The following LUZP2 variants were observed in gnomAD, a reference collection of about 807,000 sequenced individuals.
The protein encoded by LUZP2 is leucine zipper protein 2.
LUZP2 carries 52 observed loss-of-function variants against 51.6 expected under a neutral mutation model. The observed-to-expected ratio is 1.01, with a 90% confidence interval of 0.81 to 1.27. LUZP2 has a LOEUF of 1.27. Ranked by LOEUF, LUZP2 falls within the 50% of genes most tolerant of loss-of-function variation. The pLI, the probability that LUZP2 is intolerant of heterozygous loss-of-function variation, is 0.00. For synonymous variants in LUZP2, 154 were observed against 137.3 expected, an observed-to-expected ratio of 1.12 and a Z score of -0.85; for missense variants, 436 against 395.4, an observed-to-expected ratio of 1.10 and a Z score of -0.87.
intron 5 of LUZP2, among the ~76,000 whole-genome samples, chr11:24,770,074 G>A (rs1414148703): frequency 1.8e-4 from 28 of 152,128 alleles, no homozygotes; most frequent in Non-Finnish European, 3.5e-4. Context: ...GATTACAGGC[G>A]TGAGCCACTG....
chr11:24,629,530 A>C (rs976066118), intron 1 of LUZP2, among the ~76,000 whole-genome samples: 1 of 130,058 alleles, frequency 7.7e-6, no homozygotes, highest in Non-Finnish European at 1.6e-5. Context: ...ATTCCATTGC[A>C]TATATATATA....
Position 24,865,740 on chromosome 11 carries a change from GTGTGTA to G in LUZP2, c.397-40249_397-40244del, listed in dbSNP as rs1178228375. ...TATATATATATATGTGTGTGTGTGTGTGTGTATATATATTTATATGTGTATATATAT... is the reference window on the plus strand; with the variant it reads ...TATATATATATATGTGTGTGTGTGTGTATATATTTATATGTGTATATATAT... On this transcript the variant is annotated intron_variant, in intron 5 of 11. Coordinates refer to ENST00000336930, the MANE Select transcript of LUZP2 (RefSeq NM_001009909.4). 4.6e-3 allele frequency among the ~76,000 whole-genome samples: 647 copies of G among 141,514 alleles called. 7 individuals are homozygous for G. The highest frequency in any genetic ancestry group is 0.016 in the African/African-American group (605 of 37,524). The allele number at this position is 141,514 out of a possible 152,430, so 92.8% of individuals were successfully genotyped here. A position where few individuals can be genotyped will look rare whatever the true frequency, so the allele number is the denominator to read the frequency against.
intron 5 of LUZP2, among the ~76,000 whole-genome samples, chr11:24,877,415 G>A (rs1852306737): frequency 1.8e-5 from 2 of 112,666 alleles, no homozygotes; most frequent in African/African-American, 5.9e-5. Flanking sequence ...TAAGCTTTAA[G>A]ACTCTCTTAA....
intron 5 of LUZP2, among the ~76,000 whole-genome samples, chr11:24,809,606 T>C (rs945986275): frequency 1.3e-5 from 2 of 152,140 alleles, no homozygotes; most frequent in Non-Finnish European, 2.9e-5. Context: ...GAGTGAATAA[T>C]GGAAGAAAAG....
chr11:24,983,401 A>G, intron 9 of LUZP2, 108 bp downstream of exon 9: 2 of 1,134,192 alleles, frequency 1.8e-6, no homozygotes, highest in Non-Finnish European at 2.5e-6. Context: ...TAACAAATCC[A>G]TTGAAAGATT....
chr11:24,652,096 A>G (rs1855644315), intron 1 of LUZP2, among the ~76,000 whole-genome samples: 1 of 75,504 alleles, frequency 1.3e-5, no homozygotes, highest in Non-Finnish European at 2.8e-5. Context: ...CATGTTGTGC[A>G]TGTGTGTATA....
chr11:25,037,109 G>A (rs893452284), intron 9 of LUZP2, among the ~76,000 whole-genome samples: 5 of 152,206 alleles, frequency 3.3e-5, no homozygotes, highest in Non-Finnish European at 5.9e-5. Flanking sequence ...AGGCCAAGAA[G>A]TATTTCTTTT....
In LUZP2 at chr11:24,933,118, G is replaced by C. The variant is rs1854500952; in HGVS notation, c.522+18580G>C. Among the ~76,000 whole-genome samples, 4 of 152,150 alleles carry C rather than the reference G, an allele frequency of 2.6e-5. No homozygotes were observed. In the South Asian group the frequency reaches 8.3e-4, roughly 32 times the overall value. ...TCCCCAGTGAGGATGTGTGTTCAGG[G>C]GTGCACAATCCTCCTTTCACACTTT... On this transcript the variant is annotated intron_variant, in intron 7 of 11. Transcript: ENST00000336930.
chr11:24,694,709 G>A (rs1301013254), intron 1 of LUZP2, among the ~76,000 whole-genome samples: 1 of 151,938 alleles, frequency 6.6e-6, no homozygotes, highest in Non-Finnish European at 1.5e-5. Flanking sequence ...AAGAAAAGGT[G>A]GCATATATAC....
chr11:25,041,201 T>C (rs1452503289), intron 9 of LUZP2, among the ~76,000 whole-genome samples: 3 of 152,182 alleles, frequency 2.0e-5, no homozygotes, highest in African/African-American at 7.2e-5. Flanking sequence ...AACTGGATAG[T>C]ATTGAATCCT....
At chr11:25,021,511 CAT>C (rs941841464) in intron 9 of LUZP2, among the ~76,000 whole-genome samples, 5 of 151,542 alleles carry the variant, frequency 3.3e-5, no homozygotes, top group African/African-American at 1.2e-4. Context: ...CACAGGGAAA[CAT>C]AGACAAAGAC....
chr11:24,513,074 A>T (rs1462353154), intron 1 of LUZP2, among the ~76,000 whole-genome samples: 1 of 152,138 alleles, frequency 6.6e-6, no homozygotes. Flanking sequence ...TTTTTTCTAT[A>T]TGACATAGTT....
At chr11:24,624,905 A>G (rs76115378) in intron 1 of LUZP2, among the ~76,000 whole-genome samples, 27,254 of 152,138 alleles carry the variant, frequency 0.18, 2,710 homozygotes, top group African/African-American at 0.26. Flanking sequence ...ATGATAGACC[A>G]TAGTAAAATG....
At position 24,665,927 on chromosome 11, in the gene LUZP2, AT is replaced by A. The variant is rs111999558; in HGVS notation, c.63-63234del. On this transcript the variant is annotated intron_variant, in intron 1 of 11. Coordinates refer to ENST00000336930, the MANE Select transcript of LUZP2 (RefSeq NM_001009909.4). ...ATCATTTGTTAGCTCGTTTGTTTCCATTTTTTTTACTACTACATGTATGTAA... is the reference window on the plus strand; with the variant it reads ...ATCATTTGTTAGCTCGTTTGTTTCCATTTTTTTACTACTACATGTATGTAA... Among the ~76,000 whole-genome samples, 1,368 of 151,964 alleles carry A rather than the reference AT, an allele frequency of 9.0e-3. 19 individuals are homozygous for A. The highest frequency in any genetic ancestry group is 0.031 in the African/African-American group (1,285 of 41,448).
intron 5 of LUZP2, among the ~76,000 whole-genome samples, chr11:24,868,524 G>A (rs1851962627): frequency 6.6e-6 from 1 of 152,000 alleles, no homozygotes; most frequent in African/African-American, 2.4e-5. Context: ...CTTTTCTCTT[G>A]TTAATCTGTC....
intron 9 of LUZP2, among the ~76,000 whole-genome samples, chr11:25,004,454 A>G (rs1441204363): frequency 6.6e-6 from 1 of 152,142 alleles, no homozygotes; most frequent in Non-Finnish European, 1.5e-5. Flanking sequence ...TCCATATTAT[A>G]GAACACTGTG....
At chr11:25,019,006 C>A (rs950745344) in intron 9 of LUZP2, among the ~76,000 whole-genome samples, 1 of 152,170 alleles carries the variant, frequency 6.6e-6, no homozygotes, top group Admixed American at 6.6e-5. Context: ...TTGCTACCCT[C>A]CTCTCAACAT....
chr11:24,717,040 T>A (rs1444704740), intron 1 of LUZP2, among the ~76,000 whole-genome samples: 1 of 151,898 alleles, frequency 6.6e-6, no homozygotes, highest in African/African-American at 2.4e-5. Flanking sequence ...AATAAAGAAG[T>A]GGAGTGAATA....
chr11:24,513,409 G>C (rs1850371141), intron 1 of LUZP2, among the ~76,000 whole-genome samples: 1 of 144,896 alleles, frequency 6.9e-6, no homozygotes, highest in South Asian at 2.1e-4. Context: ...TTTACAATCA[G>C]CATCAAGAGA....
Sources: gnomAD v4.1 joint callset for allele counts (sites outside exome capture counted in the v4.1 genomes callset) on GRCh38, gnomAD v4.1.1 for gene constraint, MANE v1.5 for transcripts, NCBI Gene and HGNC (gene_info 2026-07-23, HGNC 2026-07-21) for gene names.